CHRM3: variants seen among roughly 807,000 people sequenced by gnomAD.
The protein encoded by CHRM3 is cholinergic receptor muscarinic 3.
CHRM3 carries 11 observed loss-of-function variants against 41.8 expected under a neutral mutation model. The observed-to-expected ratio is 0.26, with a 90% CI of 0.17 to 0.44. The LOEUF (loss-of-function observed/expected upper bound fraction) is 0.44. Among genes scored for constraint, CHRM3 ranks in the 20% least tolerant of loss-of-function variants. The pLI, the probability that CHRM3 is intolerant of heterozygous loss-of-function variation, is 1.00. For missense variants in CHRM3, 571 were observed against 745.4 expected, an observed-to-expected ratio of 0.77 and a Z score of 2.72; for synonymous variants, 297 against 301.4, an observed-to-expected ratio of 0.99 and a Z score of 0.15.
Position 239,460,498 on chromosome 1 carries a change from CCTT to C in CHRM3, c.-520-32210_-520-32208del, listed in dbSNP as rs1168171658. ...AAGGTTGCATTTATATTTTTTTTCT[CCTT>C]TATTATTGCTTTGAGCAATTCTCCT... On this transcript the variant is annotated intron_variant, in intron 1 of 6. Coordinates refer to ENST00000676153, the MANE Select transcript of CHRM3 (RefSeq NM_001375978.1). 5.9e-5 allele frequency among the ~76,000 whole-genome samples: 9 copies of C among 151,910 alleles called. No individual in the cohort carries two copies. In the East Asian group the frequency reaches 1.5e-3, roughly 26 times the overall value.
chr1:239,639,311 G>A (rs1004162085), intron 4 of CHRM3, among the ~76,000 whole-genome samples: 2 of 152,182 alleles, frequency 1.3e-5, no homozygotes, highest in Admixed American at 6.5e-5. Flanking sequence ...AAAGTCATTG[G>A]TAGCTTGATA....
At chr1:239,646,537 T>C (rs1671753986) in intron 4 of CHRM3, among the ~76,000 whole-genome samples, 1 of 152,058 alleles carries the variant, frequency 6.6e-6, no homozygotes. Flanking sequence ...GAATAAAAGG[T>C]AATATGTGGC....
intron 5 of CHRM3, among the ~76,000 whole-genome samples, chr1:239,769,489 G>C (rs923940190): frequency 1.3e-5 from 2 of 152,200 alleles, no homozygotes; most frequent in Non-Finnish European, 1.5e-5. Context: ...TAGAACAGTT[G>C]TATAAGCACT....
intron 6 of CHRM3, among the ~76,000 whole-genome samples, chr1:239,853,755 A>G (rs570402509): frequency 2.6e-5 from 4 of 152,216 alleles, no homozygotes; most frequent in South Asian, 2.1e-4. Context: ...CACAAAATCA[A>G]TATTTCTCAA....
intron 5 of CHRM3, among the ~76,000 whole-genome samples, chr1:239,693,953 G>C: frequency 6.6e-6 from 1 of 152,204 alleles, no homozygotes; most frequent in African/African-American, 2.4e-5. Flanking sequence ...ATATATGAAT[G>C]ACAGAAAGCC....
At chr1:239,410,624 C>T (rs1660991177) in intron 1 of CHRM3, among the ~76,000 whole-genome samples, 1 of 152,166 alleles carries the variant, frequency 6.6e-6, no homozygotes, top group Admixed American at 6.5e-5. Flanking sequence ...CTTTTACCTC[C>T]CGTATGGATT....
intron 5 of CHRM3, among the ~76,000 whole-genome samples, chr1:239,727,213 A>G (rs1056904609): frequency 4.6e-5 from 7 of 151,970 alleles, no homozygotes; most frequent in Non-Finnish European, 1.0e-4. Flanking sequence ...ATGGAGAGCT[A>G]TAGTCTGCTT....
intron 2 of CHRM3, among the ~76,000 whole-genome samples, chr1:239,496,902 A>G (rs1463440930): frequency 6.6e-6 from 1 of 152,082 alleles, no homozygotes; most frequent in Admixed American, 6.6e-5. Flanking sequence ...GTGTATATGC[A>G]TACACAGACG....
intron 2 of CHRM3, among the ~76,000 whole-genome samples, chr1:239,497,762 G>A (rs960413665): frequency 1.3e-5 from 2 of 152,204 alleles, no homozygotes; most frequent in African/African-American, 4.8e-5. Flanking sequence ...GAGAAACTGA[G>A]TATGGGTGAT....
intron 5 of CHRM3, among the ~76,000 whole-genome samples, chr1:239,720,456 A>G (rs1005013156): frequency 6.6e-6 from 1 of 151,930 alleles, no homozygotes; most frequent in African/African-American, 2.4e-5. Flanking sequence ...TTAAAATTAA[A>G]CTTGGATTAT....
At chr1:239,618,277 C>CTTT (rs61094722) in intron 3 of CHRM3, among the ~76,000 whole-genome samples, 7 of 120,674 alleles carry the variant, frequency 5.8e-5, no homozygotes, top group South Asian at 2.8e-4. Context: ...TTTTTTCTTT[C>CTTT]TTTTTTTTTT....
intron 1 of CHRM3, among the ~76,000 whole-genome samples, chr1:239,425,732 C>A (rs747550368): frequency 3.3e-5 from 5 of 152,164 alleles, no homozygotes; most frequent in Non-Finnish European, 7.4e-5. Context: ...AAATGATCAT[C>A]AGGTTCTGAT....
chr1:239,781,140 A>G (rs1668480593), intron 5 of CHRM3, among the ~76,000 whole-genome samples: 1 of 152,114 alleles, frequency 6.6e-6, no homozygotes, highest in South Asian at 2.1e-4. Flanking sequence ...ATATACACAA[A>G]ATAACTTTCT....
At chr1:239,746,407 A>G (rs1023668946) in intron 5 of CHRM3, among the ~76,000 whole-genome samples, 3 of 152,228 alleles carry the variant, frequency 2.0e-5, no homozygotes, top group Admixed American at 2.0e-4. Context: ...GAGAGTAAAT[A>G]ATGTGACTAA....
At chr1:239,828,047 G>A (rs775013869) in intron 6 of CHRM3, among the ~76,000 whole-genome samples, 4 of 151,872 alleles carry the variant, frequency 2.6e-5, no homozygotes, top group Non-Finnish European at 4.4e-5. Flanking sequence ...CACCTACTAC[G>A]TTCTAGATAC....
At chr1:239,586,766 T>C (rs994929648) in intron 3 of CHRM3, among the ~76,000 whole-genome samples, 1 of 152,216 alleles carries the variant, frequency 6.6e-6, no homozygotes, top group Non-Finnish European at 1.5e-5. Flanking sequence ...TATAATTATT[T>C]CCTGCACTTT....
chr1:239,537,469 G>T (rs1658315864), intron 2 of CHRM3, among the ~76,000 whole-genome samples: 1 of 152,052 alleles, frequency 6.6e-6, no homozygotes, highest in Admixed American at 6.6e-5. Flanking sequence ...ACCAAGCCAT[G>T]AGGGATCCGC....
intron 1 of CHRM3, among the ~76,000 whole-genome samples, chr1:239,419,340 A>G (rs369851851): frequency 8.5e-4 from 125 of 146,906 alleles, no homozygotes; most frequent in African/African-American, 2.9e-3. Context: ...TAGTCGTTTT[A>G]TTACTAACAG....
intron 5 of CHRM3, among the ~76,000 whole-genome samples, chr1:239,750,891 A>T (rs1572176778): frequency 6.6e-6 from 1 of 152,136 alleles, no homozygotes; most frequent in Admixed American, 6.6e-5. Context: ...TTCTTTTAAC[A>T]CCAGTTATCT....
Sources: gnomAD v4.1 joint callset for allele counts (sites outside exome capture counted in the v4.1 genomes callset) on GRCh38, gnomAD v4.1.1 for gene constraint, MANE v1.5 for transcripts, NCBI Gene and HGNC (gene_info 2026-07-23, HGNC 2026-07-21) for gene names.